Variants in ATP7B observed in about 807,000 individuals in gnomAD.
ATP7B encodes the protein copper-transporting ATPase 2.
ATP7B carries 113 observed loss-of-function variants against 118.9 expected under a neutral mutation model. That is an observed-to-expected ratio of 0.95 (90% CI 0.82 to 1.11). ATP7B has a LOEUF of 1.11. ATP7B is among the 50% of genes most tolerant of loss of function. The pLI, the probability that ATP7B is intolerant of heterozygous loss-of-function variation, is 0.00. For synonymous variants in ATP7B, 777 were observed against 727.4 expected (o/e 1.07, Z -1.10); for missense variants, 1,867 against 1,871.4 (o/e 1.00, Z 0.04).
In ATP7B at chr13:51,932,764, C is replaced by A. The variant is rs1191937624; in HGVS notation, c.*1992G>T. 1 of 152,194 alleles carries A rather than the reference C, an allele frequency of 6.6e-6. No individual in the cohort carries two copies. Among genetic ancestry groups the A allele is most frequent in the African/African-American group, 2.4e-5 (1 of 41,448 alleles). The allele number at this position is 152,194 out of a possible 1,614,324, so 9.4% of individuals were successfully genotyped here. A position where few individuals can be genotyped will look rare whatever the true frequency, so the allele number is the denominator to read the frequency against. On this transcript the variant is annotated 3_prime_UTR_variant, in exon 21 of 21. Coordinates refer to ENST00000242839, the MANE Select transcript of ATP7B (RefSeq NM_000053.4). ...GACAAAAAAACTCCTTACACTTTGA[C>A]CATCTAAAAGGTTATTTTCTATAAA...
intron 7 of ATP7B, chr13:51,959,876 C>T (rs760372176): frequency 2.0e-6 from 1 of 491,276 alleles, no homozygotes; most frequent in South Asian, 2.1e-5. Context: ...AAGGAGGTTG[C>T]TATTCCAGGG....
chr13:51,974,380 G>C lies in ATP7B; in HGVS notation c.840C>G (p.Gly280=). The C allele has an allele frequency of 6.2e-7, 1 of 1,613,914 alleles. No homozygotes were observed. Among genetic ancestry groups the C allele is most frequent in the Non-Finnish European group, 8.5e-7 (1 of 1,180,024 alleles). Residue 280 remains glycine (G), a synonymous_variant, in exon 2 of 21, where the codon GGC becomes GGG. Transcript: ENST00000242839. ...SCVLNIEENI[G]QLLGVQSIQV... The stretch of plus-strand genomic sequence containing the variant: ...GAATACTTTGAACCCCTAGGAGCTG[G>C]CCAATATTTTCTTCAATATTCAAGA...
At chr13:51,971,367 T>C (rs569170678) in intron 2 of ATP7B, among the ~76,000 whole-genome samples, 6 of 152,370 alleles carry the variant, frequency 3.9e-5, no homozygotes, top group African/African-American at 1.4e-4. Context: ...AGATGTCCTA[T>C]ATTTTTATTT....
chr13:51,974,223 C>T lies in ATP7B; in HGVS notation c.997G>A (p.Gly333Arg), dbSNP rs200356895. ...GAAGACCTGTGATCTGTCCCACTCC[C>T]TTCGGCTCCATCAGGAAGAGAAACT... ...FKVSLPDGAE[G>R]SGTDHRSSSS... is the part of the protein sequence containing the mutation. Residue 333 changes from glycine to arginine, a missense_variant, in exon 2 of 21, where the codon GGG becomes AGG. Transcript: ENST00000242839. 1.2e-6 allele frequency: 2 copies of T among 1,614,072 alleles called. No homozygotes were observed. The highest frequency in any genetic ancestry group is 4.5e-5 in the East Asian group (2 of 44,880).
chr13:51,937,104 G>A (rs1957011143), intron 19 of ATP7B, among the ~76,000 whole-genome samples, 172 bp downstream of exon 19: 1 of 149,408 alleles, frequency 6.7e-6, no homozygotes. Context: ...CCTCTCCACA[G>A]TTTCTCATTT....
intron 2 of ATP7B, among the ~76,000 whole-genome samples, chr13:51,973,087 C>T (rs140583679): frequency 6.6e-6 from 1 of 152,230 alleles, no homozygotes; most frequent in East Asian, 1.9e-4. Context: ...TTATATTCAT[C>T]AAACAGGGAG....
chr13:51,937,453 A>C, intron 18 of ATP7B, 23 bp downstream of exon 18: 1 of 1,614,162 alleles, frequency 6.2e-7, no homozygotes, highest in Non-Finnish European at 8.5e-7. Context: ...CAGCACCCAC[A>C]GCCTGGCTGC....
chr13:51,941,326 GA>G, intron 15 of ATP7B, 102 bp from the exon 16 acceptor site: 4 of 1,442,640 alleles, frequency 2.8e-6, no homozygotes, highest in Non-Finnish European at 3.9e-6. Flanking sequence ...TAACCATTCT[GA>G]AAAACTGTAA....
intron 13 of ATP7B, among the ~76,000 whole-genome samples, chr13:51,944,743 G>A (rs528223762): frequency 6.4e-4 from 98 of 152,316 alleles, no homozygotes; most frequent in African/African-American, 2.3e-3. Flanking sequence ...CACACTCTGA[G>A]TTCAAGAAAG....
At chr13:52,009,569 G>A (rs1195295206) in intron 1 of ATP7B, among the ~76,000 whole-genome samples, 1 of 152,142 alleles carries the variant, frequency 6.6e-6, no homozygotes, top group Non-Finnish European at 1.5e-5. Flanking sequence ...CTTCCTTTGA[G>A]ATCTTATGTT....
intron 12 of ATP7B, chr13:51,947,996 T>C (rs1593687524): frequency 6.6e-6 from 1 of 152,298 alleles, no homozygotes; most frequent in East Asian, 1.9e-4. Context: ...CGCACTGCTT[T>C]CCCGAAAAAG....
At chr13:52,012,084 G>GC (rs1384225498), upstream of ATP7B, 2 of 504,528 alleles carry the variant, frequency 4.0e-6, no homozygotes, top group Non-Finnish European at 3.6e-6. Flanking sequence ...CGGGCTTTGG[G>GC]CCGGGAACGG....
rs1958642807 is a variant in ATP7B, at chr13:51,960,265, CATT to C, written c.2001_2003del (p.Met668del). The C allele has an allele frequency of 6.2e-7, 1 of 1,613,794 alleles. No homozygotes were observed. The highest frequency in any genetic ancestry group is 1.3e-5 in the African/African-American group (1 of 74,898). On this transcript the variant is annotated inframe_deletion, in exon 7 of 21. Coordinates refer to ENST00000242839, the MANE Select transcript of ATP7B (RefSeq NM_000053.4). ...CGTTGCTGGGTATCAGCATATAGAT[CATT>C]AAGGCCATGACAGGGATGCCAAACA... is the stretch of plus-strand genomic sequence containing the variant.
At chr13:51,950,463 C>A in intron 9 of ATP7B, 64 bp from the exon 10 acceptor site, 1 of 1,605,928 alleles carries the variant, frequency 6.2e-7, no homozygotes, top group Non-Finnish European at 8.5e-7. Flanking sequence ...AGGTTCTAGG[C>A]CAGCTGTTAC....
At chr13:51,954,552 A>C (rs536510869) in intron 9 of ATP7B, among the ~76,000 whole-genome samples, 1 of 152,346 alleles carries the variant, frequency 6.6e-6, no homozygotes, top group South Asian at 2.1e-4. Context: ...CTGGACCAGC[A>C]TGGTGCCAGT....
At chr13:51,988,420 G>A (rs1228384477) in intron 1 of ATP7B, among the ~76,000 whole-genome samples, 1 of 152,172 alleles carries the variant, frequency 6.6e-6, no homozygotes, top group African/African-American at 2.4e-5. Flanking sequence ...ATGCTGGAGA[G>A]GATGTAGAGA....
rs747255077 is a variant in ATP7B, at chr13:51,941,213, G to A, written c.3424C>T (p.Gln1142Ter). The A allele has an allele frequency of 3.1e-6, 5 of 1,614,114 alleles. No homozygotes were observed. The highest frequency in any genetic ancestry group is 4.2e-6 in the Non-Finnish European group (5 of 1,180,026). Residue 1142 changes from glutamine (Q) to a stop codon, truncating the protein, a stop_gained, in exon 16 of 21, where the codon CAG becomes TAG. Coordinates refer to ENST00000242839, the MANE Select transcript of ATP7B (RefSeq NM_000053.4). LOFTEE classifies it high-confidence loss of function. ...SLPAEKDAVPQTFSVLIGNRE... is the reference protein window; with the variant it reads ...SLPAEKDAVP ...TTTCCAATCAGCACAGAGAAGGTCTGGGGGACTGCATCTATTCAAAAGAGG... is the reference window on the plus strand; with the variant it reads ...TTTCCAATCAGCACAGAGAAGGTCTAGGGGACTGCATCTATTCAAAAGAGG...
intron 1 of ATP7B, among the ~76,000 whole-genome samples, chr13:51,987,137 T>G (rs1286463403): frequency 1.3e-5 from 2 of 152,196 alleles, no homozygotes; most frequent in African/African-American, 2.4e-5. Flanking sequence ...TTGTCTCTGT[T>G]TGCAGATGAC....
chr13:51,996,736 C>T (rs904400878), intron 1 of ATP7B, among the ~76,000 whole-genome samples: 1 of 152,202 alleles, frequency 6.6e-6, no homozygotes, highest in Non-Finnish European at 1.5e-5. Flanking sequence ...TGAGGAAAGG[C>T]AACACCAAGG....
Sources: gnomAD v4.1 joint callset for allele counts (sites outside exome capture counted in the v4.1 genomes callset) on GRCh38, gnomAD v4.1.1 for gene constraint, MANE v1.5 for transcripts, NCBI Gene and HGNC (gene_info 2026-07-23, HGNC 2026-07-21) for gene names.